Variants in LRRC1 observed in about 807,000 individuals in gnomAD.
LRRC1 encodes the protein leucine rich repeat containing 1.
Under a neutral mutation model 69.9 loss-of-function variants are expected in LRRC1, and 28 were observed. The observed-to-expected ratio is 0.40, with a 90% confidence interval of 0.30 to 0.55. The LOEUF (loss-of-function observed/expected upper bound fraction) is 0.55, where lower values mean the gene tolerates loss of function less well. Ranked by LOEUF, LRRC1 falls within the 20% of genes least tolerant of loss-of-function variation. The pLI is 0.47. For synonymous variants in LRRC1, 236 were observed against 240.2 expected (o/e 0.98, Z 0.16); for missense variants, 498 against 609.0 (o/e 0.82, Z 1.92).
At chr6:53,881,123 G>A (rs1262254230) in intron 3 of LRRC1, among the ~76,000 whole-genome samples, 1 of 152,134 alleles carries the variant, frequency 6.6e-6, no homozygotes, top group Non-Finnish European at 1.5e-5. Context: ...TTAAAGTAAA[G>A]CCATTTTAAT....
At chr6:53,826,807 C>G (rs1324651091) in intron 1 of LRRC1, among the ~76,000 whole-genome samples, 2 of 151,990 alleles carry the variant, frequency 1.3e-5, no homozygotes, top group East Asian at 1.9e-4. Context: ...TGAACAAACA[C>G]AAACCATTTT....
chr6:53,808,364 A>G (rs890388223), intron 1 of LRRC1, among the ~76,000 whole-genome samples: 8 of 152,106 alleles, frequency 5.3e-5, no homozygotes, highest in Admixed American at 3.9e-4. Flanking sequence ...GAACTGCAGT[A>G]TAGGAACTGC....
intron 4 of LRRC1, among the ~76,000 whole-genome samples, chr6:53,885,314 C>T (rs1178597651): frequency 1.3e-5 from 2 of 152,206 alleles, no homozygotes; most frequent in Non-Finnish European, 2.9e-5. Flanking sequence ...TTCCTTGTGG[C>T]AAGGCTTCAT....
intron 1 of LRRC1, among the ~76,000 whole-genome samples, chr6:53,817,523 G>A (rs1033431363): frequency 2.0e-4 from 31 of 152,092 alleles, no homozygotes; most frequent in African/African-American, 7.0e-4. Flanking sequence ...CTGTGCAACT[G>A]ACCTAAAAAA....
intron 1 of LRRC1, among the ~76,000 whole-genome samples, chr6:53,800,649 T>A (rs1337202484): frequency 6.6e-6 from 1 of 152,042 alleles, no homozygotes; most frequent in Non-Finnish European, 1.5e-5. Flanking sequence ...AATAATACTT[T>A]TTTTTTTTTA....
intron 2 of LRRC1, among the ~76,000 whole-genome samples, chr6:53,857,996 C>T (rs996969828): frequency 1.2e-4 from 18 of 152,180 alleles, no homozygotes; most frequent in African/African-American, 3.1e-4. Context: ...GTTTGATCAG[C>T]GTCTGGCATG....
Position 53,915,387 on chromosome 6 carries a change from A to G in LRRC1, c.1106+1418A>G, listed in dbSNP as rs78764142. On this transcript the variant is annotated intron_variant, in intron 11 of 13. Coordinates refer to ENST00000370888, the MANE Select transcript of LRRC1 (RefSeq NM_018214.5). ...TTTCAGGACATCTTGATAGATTCTT[A>G]AGACCACTAACTGGTTGCCGGAAAC... is the stretch of plus-strand genomic sequence containing the variant. 7.2e-4 allele frequency among the ~76,000 whole-genome samples: 110 copies of G among 152,344 alleles called. 1 individual carries two copies. The East Asian group carries it at 0.02, about 28-fold the overall frequency.
At chr6:53,904,840 A>G (rs1295447881) in intron 10 of LRRC1, 1 of 157,282 alleles carries the variant, frequency 6.4e-6, no homozygotes, top group East Asian at 1.9e-4. Flanking sequence ...TCCCATAAGC[A>G]ATTGGAATTA....
At chr6:53,886,783 A>C (rs745425694) in intron 4 of LRRC1, among the ~76,000 whole-genome samples, 1 of 152,192 alleles carries the variant, frequency 6.6e-6, no homozygotes, top group African/African-American at 2.4e-5. Context: ...TGACAGGTGA[A>C]ATAGATCCCA....
At chr6:53,864,350 A>G (rs777551610) in intron 2 of LRRC1, among the ~76,000 whole-genome samples, 8 of 152,002 alleles carry the variant, frequency 5.3e-5, no homozygotes, top group African/African-American at 1.7e-4. Context: ...ATGAGTACCA[A>G]ATGGTATCTT....
intron 8 of LRRC1, 140 bp downstream of exon 8, chr6:53,900,031 T>TTTTTTG: frequency 5.0e-6 from 1 of 201,946 alleles, no homozygotes; most frequent in African/African-American, 7.0e-5. Context: ...TTTTTTTTTT[T>TTTTTTG]TTTTTTTTTT....
At chr6:53,887,698 A>G (rs1484455143) in intron 4 of LRRC1, among the ~76,000 whole-genome samples, 5 of 152,260 alleles carry the variant, frequency 3.3e-5, no homozygotes, top group African/African-American at 9.6e-5. Flanking sequence ...TAATGAACAC[A>G]TTAGTGTCTC....
At position 53,916,842 on chromosome 6, in the gene LRRC1, G is replaced by A. The variant is rs1258093282; in HGVS notation, c.1107-2656G>A. ...AAAGCAGTTGCTATAGTAGTTCACAGACATGGAAGGTCACTTGGGGCTGGG... is the reference window on the plus strand; with the variant it reads ...AAAGCAGTTGCTATAGTAGTTCACAAACATGGAAGGTCACTTGGGGCTGGG... On this transcript the variant is annotated intron_variant, in intron 11 of 13. Coordinates refer to ENST00000370888, the MANE Select transcript of LRRC1 (RefSeq NM_018214.5). Among the ~76,000 whole-genome samples the A allele has an allele frequency of 2.6e-5, 4 of 152,320 alleles. No individual in the cohort carries two copies. The East Asian group carries it at 7.7e-4, about 29-fold the overall frequency.
At chr6:53,812,129 G>A (rs1023059559) in intron 1 of LRRC1, among the ~76,000 whole-genome samples, 7 of 152,252 alleles carry the variant, frequency 4.6e-5, no homozygotes, top group African/African-American at 1.7e-4. Context: ...ATCATGGGCA[G>A]CCTTGAATGC....
chr6:53,872,401 T>C (rs1377064341), intron 2 of LRRC1, among the ~76,000 whole-genome samples: 1 of 152,198 alleles, frequency 6.6e-6, no homozygotes, highest in Non-Finnish European at 1.5e-5. Flanking sequence ...TGAGTGGATT[T>C]ATTTCTGGGT....
At chr6:53,858,140 G>A (rs748767015) in intron 2 of LRRC1, among the ~76,000 whole-genome samples, 1 of 152,154 alleles carries the variant, frequency 6.6e-6, no homozygotes, top group Admixed American at 6.5e-5. Context: ...GGTGGTCTCT[G>A]GCCATTTCAG....
intron 2 of LRRC1, among the ~76,000 whole-genome samples, chr6:53,842,872 G>T (rs1459115668): frequency 6.6e-6 from 1 of 152,178 alleles, no homozygotes; most frequent in Non-Finnish European, 1.5e-5. Flanking sequence ...TTGATTTTCA[G>T]ATCCCACTAT....
At chr6:53,914,268 G>A (rs545682517) in intron 11 of LRRC1, among the ~76,000 whole-genome samples, 1 of 152,088 alleles carries the variant, frequency 6.6e-6, no homozygotes, top group Admixed American at 6.5e-5. Flanking sequence ...ACCTGAGAAT[G>A]GGGAGACTTG....
intron 5 of LRRC1, 23 bp from the exon 6 acceptor site, chr6:53,896,806 T>A (rs758476319): frequency 3.7e-5 from 54 of 1,478,968 alleles, no homozygotes; most frequent in Non-Finnish European, 5.0e-5. Flanking sequence ...CTCTAAGTGC[T>A]CTTTATTTAT....
Sources: allele counts gnomAD v4.1 joint callset (sites outside exome capture counted in the v4.1 genomes callset), GRCh38; gene constraint gnomAD v4.1.1; transcripts MANE v1.5; gene names NCBI Gene and HGNC (gene_info 2026-07-23, HGNC 2026-07-21).